Variants in PTDSS1 observed in about 807,000 individuals in gnomAD.
PTDSS1 encodes PSS-1.
A neutral mutation model predicts 70.5 loss-of-function variants in PTDSS1; 45 were observed. The ratio of observed to expected loss-of-function variants is 0.64; its 90% CI spans 0.50 to 0.82. The LOEUF (loss-of-function observed/expected upper bound fraction) is 0.82, where lower values mean the gene tolerates loss of function less well. Ranked by LOEUF, PTDSS1 falls within the 40% of genes least tolerant of loss-of-function variation. PTDSS1 has a pLI of 0.00. For missense variants in PTDSS1, 417 were observed against 586.1 expected (o/e 0.71, Z 2.98); for synonymous variants, 188 against 203.8 (o/e 0.92, Z 0.66).
intron 9 of PTDSS1, among the ~76,000 whole-genome samples, chr8:96,315,997 A>G (rs986175398): frequency 1.3e-4 from 20 of 152,204 alleles, no homozygotes; most frequent in African/African-American, 2.9e-4. Flanking sequence ...CTCCAGCCTC[A>G]GCCCTAAACT....
Position 96,336,259 on chromosome 8 carries a change from A to G in PTDSS1, c.*2693A>G, listed in dbSNP as rs1388964762. The G allele has an allele frequency of 6.6e-6, 1 of 152,040 alleles. No homozygotes were observed. The highest frequency in any genetic ancestry group is 6.5e-5 in the Admixed American group (1 of 15,284). 9.4% of individuals were successfully genotyped at this position (152,040 alleles called of 1,614,324 possible). A position where few individuals can be genotyped will look rare whatever the true frequency, so the allele number is the denominator to read the frequency against. ...CCCAACCCAGGAGAAAACAAAATTC[A>G]TTACCAAATACAACAGGTTCAGCCT... On this transcript the variant is annotated 3_prime_UTR_variant, in exon 13 of 13. Transcript: ENST00000517309.
In PTDSS1 at chr8:96,302,503, GTTTAGTAA is replaced by G. The variant is rs1444139166; in HGVS notation, c.753-1533_753-1526del. 5.3e-5 allele frequency among the ~76,000 whole-genome samples: 8 copies of G among 152,202 alleles called. 1 individual carries two copies. Among genetic ancestry groups the G allele is most frequent in the Admixed American group, 4.6e-4 (7 of 15,286 alleles). ...GGAATGATGTGATACTGAGGCTTAGGTTTAGTAATTTGCCTAAGGACACACAGCTAGCA... is the reference window on the plus strand; with the variant it reads ...GGAATGATGTGATACTGAGGCTTAGGTTTGCCTAAGGACACACAGCTAGCA... On this transcript the variant is annotated intron_variant, in intron 6 of 12. Transcript: ENST00000517309.
At chr8:96,276,980 G>GCGCACACACACACACACACA (rs1160844973) in intron 2 of PTDSS1, among the ~76,000 whole-genome samples, 1 of 145,906 alleles carries the variant, frequency 6.9e-6, no homozygotes, top group African/African-American at 2.6e-5. Context: ...GCACGCGCGC[G>GCGCACACACACACACACACA]CACACACACA....
chr8:96,313,699 G>A (rs1811244821), intron 9 of PTDSS1, among the ~76,000 whole-genome samples: 1 of 152,150 alleles, frequency 6.6e-6, no homozygotes, highest in African/African-American at 2.4e-5. Context: ...GCCTCCCAGA[G>A]GCAGCCAGAG....
chr8:96,317,335 C>T (rs1197983719), intron 9 of PTDSS1, among the ~76,000 whole-genome samples: 1 of 152,076 alleles, frequency 6.6e-6, no homozygotes, highest in African/African-American at 2.4e-5. Context: ...GCCACCTTCT[C>T]ATGAGATGTG....
intron 2 of PTDSS1, among the ~76,000 whole-genome samples, chr8:96,275,271 T>C (rs1810624476): frequency 6.6e-6 from 1 of 152,212 alleles, no homozygotes; most frequent in Non-Finnish European, 1.5e-5. Flanking sequence ...TCCTTCCGCC[T>C]CAGCCTCCTG....
At position 96,309,596 on chromosome 8, in the gene PTDSS1, C is replaced by G. The variant is rs145261755; in HGVS notation, c.1047C>G (p.Arg349=). Residue 349 remains arginine, a synonymous_variant, in exon 9 of 13, where the codon CGC becomes CGG. Coordinates refer to ENST00000517309, the MANE Select transcript of PTDSS1 (RefSeq NM_014754.3). The stretch of plus-strand genomic sequence containing the variant: ...ACCTCACCGACACACAGTGCAAGCG[C>G]GTAGGAACACAATGCTGGGTGTTTG... The part of the protein sequence containing the change: ...YAYLTDTQCK[R]VGTQCWVFGV... 3 of 1,613,930 alleles carry G rather than the reference C, an allele frequency of 1.9e-6. No homozygotes were observed. In the Admixed American group the frequency reaches 5.0e-5, roughly 27 times the overall value.
intron 9 of PTDSS1, among the ~76,000 whole-genome samples, chr8:96,310,339 A>G (rs1033642942): frequency 6.6e-6 from 1 of 151,004 alleles, no homozygotes; most frequent in Non-Finnish European, 1.5e-5. Context: ...TAAGTTTTGT[A>G]TTTTCAGTAG....
At chr8:96,291,508 T>C (rs116728636) in intron 4 of PTDSS1, among the ~76,000 whole-genome samples, 1,841 of 151,948 alleles carry the variant, frequency 0.012, 45 homozygotes, top group African/African-American at 0.042. Context: ...GCAGTGAGTG[T>C]TGACATTTCT....
chr8:96,275,845 CTTT>C (rs994972717), intron 2 of PTDSS1, among the ~76,000 whole-genome samples: 17 of 152,194 alleles, frequency 1.1e-4, no homozygotes, highest in Non-Finnish European at 1.9e-4. Context: ...CTGCCTTCTT[CTTT>C]GTCATCACTC....
chr8:96,288,777 G>A (rs1400417651), intron 4 of PTDSS1, among the ~76,000 whole-genome samples: 2 of 151,084 alleles, frequency 1.3e-5, no homozygotes, highest in East Asian at 3.9e-4. Flanking sequence ...TTACAGGCAT[G>A]CACCATCACA....
At chr8:96,315,076 A>G (rs1041842261) in intron 9 of PTDSS1, among the ~76,000 whole-genome samples, 1 of 152,164 alleles carries the variant, frequency 6.6e-6, no homozygotes, top group African/African-American at 2.4e-5. Context: ...GGAGCACAAT[A>G]GGAATTGTAT....
intron 2 of PTDSS1, among the ~76,000 whole-genome samples, chr8:96,276,863 T>C (rs28423035): frequency 0.074 from 11,275 of 152,240 alleles, 465 homozygotes; most frequent in African/African-American, 0.083. Flanking sequence ...GTGTTGTCTG[T>C]GACTGGCAGG....
At chr8:96,326,755 C>G (rs1481915884) in intron 10 of PTDSS1, among the ~76,000 whole-genome samples, 1 of 152,138 alleles carries the variant, frequency 6.6e-6, no homozygotes, top group African/African-American at 2.4e-5. Flanking sequence ...GGGGAAACAC[C>G]ATGGAGGCTG....
At chr8:96,287,380 T>A (rs1235133425) in intron 4 of PTDSS1, 2 of 497,960 alleles carry the variant, frequency 4.0e-6, no homozygotes, top group Non-Finnish European at 7.0e-6. Flanking sequence ...GCACACTTTA[T>A]CGTCAGACAG....
At chr8:96,283,548 G>C (rs930783370) in intron 2 of PTDSS1, 3 of 152,402 alleles carry the variant, frequency 2.0e-5, no homozygotes, top group Non-Finnish European at 4.4e-5. Flanking sequence ...TGTCAGCACA[G>C]GTCATAATGA....
In PTDSS1 at chr8:96,330,343, C is replaced by T. The variant is rs1043244007; in HGVS notation, c.1242+62C>T. 51 of 1,499,118 alleles carry T rather than the reference C, an allele frequency of 3.4e-5. No homozygotes were observed. In the African/African-American group the frequency reaches 4.1e-4, roughly 12 times the overall value. 92.9% of individuals were successfully genotyped at this position (1,499,118 alleles called of 1,614,324 possible). On this transcript the variant is annotated intron_variant, in intron 11 of 12. Transcript: ENST00000517309. ...ATAATCACCCCGGGCTCGGCAAATT[C>T]GCTCAGAGCACGTGCCTGTAAGGAT...
intron 2 of PTDSS1, among the ~76,000 whole-genome samples, chr8:96,278,278 G>A (rs914001650): frequency 1.3e-5 from 2 of 152,226 alleles, no homozygotes; most frequent in African/African-American, 4.8e-5. Context: ...AGGAGTAGGT[G>A]TTCAACAGAT....
rs538979437 is a variant in PTDSS1 at position 96,289,172 on chromosome 8, T to C, written c.441+2026T>C. ...CTAGTCTCAAACTCCTGACCTCAGG[T>C]GATTTGCCCTCCCATAGTGCTGGGA... On this transcript the variant is annotated intron_variant, in intron 4 of 12. Transcript: ENST00000517309. Among the ~76,000 whole-genome samples the C allele has an allele frequency of 3.9e-5, 6 of 152,140 alleles. No individual in the cohort carries two copies. In the South Asian group the frequency reaches 1.2e-3, roughly 32 times the overall value.
Sources: gnomAD v4.1 joint callset for allele counts (sites outside exome capture counted in the v4.1 genomes callset) on GRCh38, gnomAD v4.1.1 for gene constraint, MANE v1.5 for transcripts, NCBI Gene and HGNC (gene_info 2026-07-23, HGNC 2026-07-21) for gene names.